The following ZNF827 variants were observed in gnomAD, a reference collection of about 807,000 sequenced individuals.
ZNF827 encodes zinc finger protein 827.
ZNF827 carries 13 observed loss-of-function variants against 102.4 expected under a neutral mutation model. The ratio of observed to expected loss-of-function variants is 0.13; its 90% CI spans 0.08 to 0.20. ZNF827 has a LOEUF of 0.20. ZNF827 is among the 10% of genes least tolerant of loss of function. ZNF827 has a pLI of 1.00. For synonymous variants in ZNF827, 523 were observed against 536.2 expected, an observed-to-expected ratio of 0.98 and a Z score of 0.34; for missense variants, 1,103 against 1,344.4, an observed-to-expected ratio of 0.82 and a Z score of 2.81.
At chr4:145,914,935 A>G (rs191644737) in intron 1 of ZNF827, among the ~76,000 whole-genome samples, 184 of 152,328 alleles carry the variant, frequency 1.2e-3, no homozygotes, top group African/African-American at 4.0e-3. Flanking sequence ...TCCATCCCCA[A>G]TAAAACTCGG....
chr4:145,817,478 A>G (rs1353695143), intron 8 of ZNF827, among the ~76,000 whole-genome samples: 1 of 152,188 alleles, frequency 6.6e-6, no homozygotes, highest in Admixed American at 6.5e-5. Flanking sequence ...GGGAGGCCTC[A>G]AGAAGCAGAA....
chr4:145,895,901 A>G (rs943441939), intron 2 of ZNF827, among the ~76,000 whole-genome samples: 2 of 152,216 alleles, frequency 1.3e-5, no homozygotes, highest in Non-Finnish European at 2.9e-5. Flanking sequence ...TGAAATGTTC[A>G]TAATTTTACC....
rs747791786 is a variant in ZNF827, at chr4:145,902,713, T to C, written c.546A>G (p.Gln182=). 1.9e-6 allele frequency: 3 copies of C among 1,614,006 alleles called. No homozygotes were observed. In the Admixed American group the frequency reaches 5.0e-5, roughly 27 times the overall value. The stretch of plus-strand genomic sequence containing the variant: ...ATATAAAACGGTTACTTGGAGTGTA[T>C]TGGTCATTCTGTTCCTGCTTCTCGG... The part of the protein sequence containing the change: ...KLAEKQEQND[Q]YTPSNRFIWN... The change falls in exon 2 of 15, where the codon CAA becomes CAG. Residue 182 remains glutamine (Q), a synonymous_variant. Transcript: ENST00000508784. This position sits in a 1 kb window ranked among gnomAD's most constrained non-coding sequence, Gnocchi z 4.3.
intron 4 of ZNF827, among the ~76,000 whole-genome samples, chr4:145,872,548 A>G (rs1748790479): frequency 1.3e-5 from 2 of 152,214 alleles, no homozygotes. Context: ...TTAACAGACC[A>G]ATCACATGCT....
chr4:145,827,916 C>A (rs938866709), intron 7 of ZNF827, among the ~76,000 whole-genome samples: 5 of 152,154 alleles, frequency 3.3e-5, no homozygotes, highest in Non-Finnish European at 7.3e-5. Context: ...GTGCCAGTGA[C>A]CGTAAAGTAC....
intron 7 of ZNF827, among the ~76,000 whole-genome samples, chr4:145,827,802 C>T (rs1743833379): frequency 6.6e-6 from 1 of 152,190 alleles, no homozygotes; most frequent in Non-Finnish European, 1.5e-5. Context: ...ACTCTCTGCA[C>T]AAGGAACTAA....
chr4:145,804,178 A>G (rs1030503136), intron 8 of ZNF827, among the ~76,000 whole-genome samples: 1 of 152,232 alleles, frequency 6.6e-6, no homozygotes, highest in Non-Finnish European at 1.5e-5. Context: ...GATGTAATCC[A>G]ATCACTTGTA....
At chr4:145,934,554 G>A (rs1345138872) in intron 1 of ZNF827, among the ~76,000 whole-genome samples, 4 of 152,178 alleles carry the variant, frequency 2.6e-5, no homozygotes, top group Admixed American at 6.5e-5. Flanking sequence ...TCAGACTGGG[G>A]AATTGCTGGG....
At chr4:145,917,660 A>G (rs1035665883) in intron 1 of ZNF827, among the ~76,000 whole-genome samples, 1 of 137,938 alleles carries the variant, frequency 7.2e-6, no homozygotes, top group African/African-American at 2.8e-5. Context: ...AACATGCTCT[A>G]CTGCTACTTT....
rs548086346 is a variant in ZNF827 at position 145,774,381 on chromosome 4, C to T, written c.2860+125G>A. The T allele has an allele frequency of 1.9e-5, 20 of 1,072,738 alleles. No homozygotes were observed. In the African/African-American group the frequency reaches 3.1e-4, roughly 17 times the overall value. 66.5% of individuals were successfully genotyped at this position (1,072,738 alleles called of 1,614,324 possible). A position where few individuals can be genotyped will look rare whatever the true frequency, so the allele number is the denominator to read the frequency against. On this transcript the variant is annotated intron_variant, in intron 11 of 14. Transcript: ENST00000508784. Reference sequence around the variant, plus strand: ...TGTGGCTTTCATGCCTTGGGAAAGTCCTTCCTTCCATGGAAGGAAAAGGGC... The same window carrying T: ...TGTGGCTTTCATGCCTTGGGAAAGTTCTTCCTTCCATGGAAGGAAAAGGGC...
chr4:145,764,230 C>A (rs899621310), intron 13 of ZNF827, among the ~76,000 whole-genome samples: 2 of 152,194 alleles, frequency 1.3e-5, no homozygotes, highest in Non-Finnish European at 2.9e-5. Context: ...CTTTACCAGA[C>A]CCTAAGTGCC....
chr4:145,859,542 C>G (rs1046831617), intron 5 of ZNF827, among the ~76,000 whole-genome samples: 9 of 152,146 alleles, frequency 5.9e-5, no homozygotes, highest in Non-Finnish European at 1.0e-4. Flanking sequence ...TCTCACTTCC[C>G]CATAGTTTCT....
chr4:145,874,870 TG>T (rs1749019642), intron 4 of ZNF827, among the ~76,000 whole-genome samples: 2 of 152,196 alleles, frequency 1.3e-5, no homozygotes, highest in South Asian at 4.1e-4. Context: ...TCGTAGGACC[TG>T]GGCCACGCTG....
At chr4:145,851,985 A>G (rs745935981) in intron 5 of ZNF827, among the ~76,000 whole-genome samples, 4 of 152,184 alleles carry the variant, frequency 2.6e-5, no homozygotes, top group Non-Finnish European at 5.9e-5. Context: ...ATGGGCAGTC[A>G]CAACACAGCT....
chr4:145,834,680 GC>G (rs1744626961), intron 7 of ZNF827, among the ~76,000 whole-genome samples: 1 of 152,038 alleles, frequency 6.6e-6, no homozygotes, highest in African/African-American at 2.4e-5. Context: ...TAAAAATCCA[GC>G]CCAGTTCATG....
chr4:145,901,700 G>C (rs146128402), intron 2 of ZNF827, among the ~76,000 whole-genome samples: 5 of 152,326 alleles, frequency 3.3e-5, no homozygotes, highest in Non-Finnish European at 7.4e-5. Flanking sequence ...AATTAGGGCA[G>C]AGTAGTTCCT....
chr4:145,772,051 T>C lies in ZNF827; in HGVS notation c.2860+2455A>G, dbSNP rs536112584. 2.0e-5 allele frequency among the ~76,000 whole-genome samples: 3 copies of C among 152,338 alleles called. No homozygotes were observed. In the East Asian group the frequency reaches 5.8e-4, roughly 29 times the overall value. ...TCTAGAACCTGGATCGAGAATTCAG[T>C]GTGTGCTTTCCTCCATGCCAAGTAA... On this transcript the variant is annotated intron_variant, in intron 11 of 14. Coordinates refer to ENST00000508784, the MANE Select transcript of ZNF827 (RefSeq NM_001306215.2).
chr4:145,823,389 A>G lies in ZNF827; in HGVS notation c.2383+33T>C, dbSNP rs774231710. 1.3e-5 allele frequency: 20 copies of G among 1,548,354 alleles called. No homozygotes were observed. The East Asian group carries it at 4.3e-4, about 33-fold the overall frequency. On this transcript the variant is annotated intron_variant, in intron 8 of 14. Coordinates refer to ENST00000508784, the MANE Select transcript of ZNF827 (RefSeq NM_001306215.2). ...CAGAAAAGTAATTCTTAAGCAATCA[A>G]CAGTAGAAGCAAAGCCAACAATGTT...
Position 145,902,658 on chromosome 4 carries a change from T to C in ZNF827, c.601A>G (p.Thr201Ala), listed in dbSNP as rs1579523333. 6.2e-7 allele frequency: 1 copy of C among 1,613,888 alleles called. No individual in the cohort carries two copies. The highest frequency in any genetic ancestry group is 1.3e-5 in the African/African-American group (1 of 74,918). ...WNQGKWLPNS[T>A]TTCSLSPDSA... ...TCCGGAGACAAGCTGCAGGTGGTGG[T>C]TGAGTTTGGCAACCACTTACCTTGA... is the stretch of plus-strand genomic sequence containing the variant. The change falls in exon 2 of 15, where the codon ACC (threonine) becomes GCC (alanine). Residue 201 changes from threonine to alanine, a missense_variant. By Grantham distance (58) the Thr-to-Ala change is moderately conservative. This residue lies in a region of ZNF827 where 441 missense variants were observed against 458.6 expected (regional missense o/e 0.96). Transcript: ENST00000508784. This position sits in a 1 kb window ranked among gnomAD's most constrained non-coding sequence, Gnocchi z 4.3.
Sources: allele counts gnomAD v4.1 joint callset (sites outside exome capture counted in the v4.1 genomes callset), GRCh38; gene constraint gnomAD v4.1.1; regional missense constraint gnomAD v4.1.1; non-coding constraint Gnocchi (gnomAD v3.1); transcripts MANE v1.5; gene names NCBI Gene and HGNC (gene_info 2026-07-23, HGNC 2026-07-21).